RBFOX1: variants seen among roughly 807,000 people sequenced by gnomAD.
RBFOX1 encodes RNA binding fox-1 homolog 1.
Under a neutral mutation model 57.7 loss-of-function variants are expected in RBFOX1, and 8 were observed. The observed-to-expected ratio is 0.14, with a 90% CI of 0.08 to 0.25. The LOEUF is 0.25. Ranked by LOEUF, RBFOX1 falls within the 10% of genes least tolerant of loss-of-function variation. The probability of loss-of-function intolerance (pLI) is 1.00; values close to 1 mark genes in which losing one functional copy is unlikely to be tolerated. For synonymous variants in RBFOX1, 326 were observed against 222.4 expected, an observed-to-expected ratio of 1.47 and a Z score of -4.15; for missense variants, 611 against 548.5, an observed-to-expected ratio of 1.11 and a Z score of -1.14.
chr16:5,863,349 C>T (rs1343344385), intron 3 of RBFOX1, among the ~76,000 whole-genome samples: 1 of 152,178 alleles, frequency 6.6e-6, no homozygotes, highest in Non-Finnish European at 1.5e-5. Flanking sequence ...CAGAATGGCC[C>T]GCCTCAAACA....
At chr16:7,534,164 G>A (rs1160522474) in intron 5 of RBFOX1, among the ~76,000 whole-genome samples, 2 of 145,552 alleles carry the variant, frequency 1.4e-5, no homozygotes, top group Non-Finnish European at 3.0e-5. Flanking sequence ...TCGGCTCACT[G>A]CAGCCTCCAC....
chr16:6,663,019 GGA>G (rs1345530173), intron 3 of RBFOX1, among the ~76,000 whole-genome samples: 3 of 152,140 alleles, frequency 2.0e-5, no homozygotes, highest in South Asian at 4.1e-4. Flanking sequence ...TGCATTCAGG[GGA>G]GAGTTTCTTG....
chr16:7,243,629 C>T (rs1019234064), intron 4 of RBFOX1, among the ~76,000 whole-genome samples: 2 of 152,060 alleles, frequency 1.3e-5, no homozygotes, highest in Non-Finnish European at 2.9e-5. Context: ...CTCACTATAG[C>T]CTCAAATTCT....
intron 4 of RBFOX1, among the ~76,000 whole-genome samples, chr16:7,427,984 A>T (rs2098638461): frequency 6.6e-6 from 1 of 152,148 alleles, no homozygotes; most frequent in African/African-American, 2.4e-5. Flanking sequence ...CCCATATCAG[A>T]TATCTTTTTA....
intron 3 of RBFOX1, among the ~76,000 whole-genome samples, chr16:6,716,832 C>G (rs1440391366): frequency 6.6e-6 from 1 of 152,080 alleles, no homozygotes; most frequent in Non-Finnish European, 1.5e-5. Context: ...GCCGTGTTGA[C>G]ATTATGTGAG....
chr16:6,658,334 G>A (rs529432308), intron 3 of RBFOX1, among the ~76,000 whole-genome samples: 7 of 151,464 alleles, frequency 4.6e-5, no homozygotes, highest in South Asian at 2.1e-4. Context: ...TCCGCCTCCC[G>A]GGTTCAAGCG....
rs1971679 is a variant in RBFOX1, at chr16:7,550,962, C to T, written c.271-28815C>T. Among the ~76,000 whole-genome samples the T allele has an allele frequency of 1.3e-3, 198 of 151,614 alleles. 1 individual carries two copies. The highest frequency in any genetic ancestry group is 2.1e-3 in the South Asian group (10 of 4,774). On this transcript the variant is annotated intron_variant, in intron 5 of 15. Transcript: ENST00000550418. ...TACAAAAATTAGCCGGGCATGGTGGCGGGTACCTGTAATCCCAGCTACTCA... is the reference window on the plus strand; with the variant it reads ...TACAAAAATTAGCCGGGCATGGTGGTGGGTACCTGTAATCCCAGCTACTCA...
At chr16:5,599,453 C>T (rs999741618) in exon 3 of RBFOX1, 1 of 540,940 alleles carries the variant, frequency 1.8e-6, no homozygotes, top group African/African-American at 1.9e-5. Flanking sequence ...TCCCGTGTAT[C>T]CCTCATCTGT....
At chr16:6,431,897 C>CTTTCTTTCTTTCTTTCTT (rs1567257983) in intron 2 of RBFOX1, among the ~76,000 whole-genome samples, 1 of 40,586 alleles carries the variant, frequency 2.5e-5, no homozygotes, top group African/African-American at 9.2e-5. Context: ...TGCTTGCTTG[C>CTTTCTTTCTTTCTTTCTT]TTTCTTTCTT....
intron 3 of RBFOX1, among the ~76,000 whole-genome samples, chr16:6,869,789 C>G (rs151260812): frequency 6.6e-6 from 1 of 152,222 alleles, no homozygotes; most frequent in East Asian, 1.9e-4. Flanking sequence ...TGTGGAATTT[C>G]CAATTACTTA....
chr16:5,403,371 A>AC (rs1555509360), intron 1 of RBFOX1, among the ~76,000 whole-genome samples: 72 of 151,710 alleles, frequency 4.7e-4, no homozygotes, highest in Middle Eastern at 3.4e-3. Context: ...AAAAAAACAA[A>AC]AAACAAACAA....
At chr16:7,224,127 TAAAAAAAAAAAAAAAAAAA>T (rs1168449932) in intron 4 of RBFOX1, among the ~76,000 whole-genome samples, 4 of 52,264 alleles carry the variant, frequency 7.7e-5, no homozygotes, top group African/African-American at 3.1e-4. Context: ...TTCCTTTTTC[TAAAAAAAAAAAAAAAAAAA>T]AAAAAAAAAA....
At chr16:7,406,233 G>A (rs1478411154) in intron 4 of RBFOX1, among the ~76,000 whole-genome samples, 1 of 152,130 alleles carries the variant, frequency 6.6e-6, no homozygotes, top group Non-Finnish European at 1.5e-5. Context: ...CCCCACCAAG[G>A]ATTAAAGAAG....
intron 9 of RBFOX1, among the ~76,000 whole-genome samples, chr16:7,602,152 C>G (rs7192965): frequency 6.6e-6 from 1 of 152,084 alleles, no homozygotes; most frequent in Non-Finnish European, 1.5e-5. Flanking sequence ...CACATTCAGA[C>G]TTGGCCTTTT....
chr16:6,934,592 A>G (rs2077066349), intron 3 of RBFOX1, among the ~76,000 whole-genome samples: 2 of 152,342 alleles, frequency 1.3e-5, no homozygotes, highest in South Asian at 4.1e-4. Flanking sequence ...TGTCATTTGC[A>G]GCAGCACAGA....
At chr16:5,855,297 G>A (rs1042789198) in intron 3 of RBFOX1, among the ~76,000 whole-genome samples, 1 of 151,990 alleles carries the variant, frequency 6.6e-6, no homozygotes, top group Non-Finnish European at 1.5e-5. Context: ...AATTCACTAC[G>A]CAGACCAATG....
At chr16:5,893,298 C>G (rs2058088060) in intron 4 of RBFOX1, among the ~76,000 whole-genome samples, 1 of 152,132 alleles carries the variant, frequency 6.6e-6, no homozygotes, top group African/African-American at 2.4e-5. Context: ...GTGTTAAGAT[C>G]ACATGGTGAA....
At chr16:5,365,297 A>G (rs1455813496) in intron 1 of RBFOX1, among the ~76,000 whole-genome samples, 1 of 150,192 alleles carries the variant, frequency 6.7e-6, no homozygotes, top group African/African-American at 2.5e-5. Context: ...AAAAATGAGC[A>G]AACACATATG....
At chr16:6,876,741 A>G (rs1322362571) in intron 3 of RBFOX1, among the ~76,000 whole-genome samples, 6 of 152,148 alleles carry the variant, frequency 3.9e-5, no homozygotes, top group African/African-American at 1.4e-4. Context: ...TAGTCCCTGC[A>G]TTGTAATTTG....
Sources: gnomAD v4.1 joint callset for allele counts (sites outside exome capture counted in the v4.1 genomes callset) on GRCh38, gnomAD v4.1.1 for gene constraint, MANE v1.5 for transcripts, NCBI Gene and HGNC (gene_info 2026-07-23, HGNC 2026-07-21) for gene names.